The following SIPA1L1 variants were observed in gnomAD, a reference collection of about 807,000 sequenced individuals.
SIPA1L1 encodes the protein signal-induced proliferation-associated 1-like protein 1.
In SIPA1L1, 26 loss-of-function variants were observed where a neutral mutation model predicts 162.7. The ratio of observed to expected loss-of-function variants is 0.16; its 90% CI spans 0.12 to 0.22. SIPA1L1 has a LOEUF of 0.22. SIPA1L1 is among the 10% of genes least tolerant of loss of function. SIPA1L1 has a pLI of 1.00. For synonymous variants in SIPA1L1, 829 were observed against 837.4 expected, an observed-to-expected ratio of 0.99 and a Z score of 0.17; for missense variants, 1,874 against 2,241.0, an observed-to-expected ratio of 0.84 and a Z score of 3.31.
chr14:71,486,794 C>T (rs1485895427), intron 2 of SIPA1L1, among the ~76,000 whole-genome samples: 3 of 152,022 alleles, frequency 2.0e-5, no homozygotes, highest in African/African-American at 4.8e-5. Flanking sequence ...TATTACTTTC[C>T]AATAAGTAAT....
At chr14:71,541,117 TA>T (rs879508572) in intron 4 of SIPA1L1, among the ~76,000 whole-genome samples, 111 of 146,160 alleles carry the variant, frequency 7.6e-4, no homozygotes, top group Non-Finnish European at 7.0e-4. Flanking sequence ...ACTCCATCTT[TA>T]AAAAAAAAAA....
intron 2 of SIPA1L1, among the ~76,000 whole-genome samples, chr14:71,346,195 C>T (rs1034201707): frequency 2.0e-5 from 3 of 152,026 alleles, no homozygotes; most frequent in East Asian, 1.9e-4. Flanking sequence ...TGTGAGCCAC[C>T]GCACCCAGTC....
intron 5 of SIPA1L1, among the ~76,000 whole-genome samples, chr14:71,615,425 T>A (rs893582581): frequency 1.2e-4 from 18 of 152,142 alleles, no homozygotes; most frequent in African/African-American, 3.9e-4. Context: ...GCAGGGTGAA[T>A]TAAGTTGGAT....
chr14:71,498,762 G>C (rs1309416806), intron 2 of SIPA1L1, among the ~76,000 whole-genome samples: 1 of 152,090 alleles, frequency 6.6e-6, no homozygotes, highest in Non-Finnish European at 1.5e-5. Context: ...TTTCTAGTCC[G>C]TGATGTGGTG....
At chr14:71,389,039 C>T (rs960081488) in intron 2 of SIPA1L1, among the ~76,000 whole-genome samples, 6 of 152,130 alleles carry the variant, frequency 3.9e-5, no homozygotes, top group African/African-American at 7.2e-5. Context: ...CTCGACCTCT[C>T]GAAGTGCTGG....
At chr14:71,620,961 A>G (rs2039375433) in intron 6 of SIPA1L1, among the ~76,000 whole-genome samples, 1 of 152,212 alleles carries the variant, frequency 6.6e-6, no homozygotes, top group African/African-American at 2.4e-5. Context: ...TTTTACGTTC[A>G]AATTAATGTT....
chr14:71,605,791 C>G (rs2037421671), intron 5 of SIPA1L1, among the ~76,000 whole-genome samples: 1 of 152,154 alleles, frequency 6.6e-6, no homozygotes, highest in Admixed American at 6.5e-5. Context: ...GTGTCTGGGC[C>G]TCAGGGCAGC....
At chr14:71,567,777 A>G (rs11627930) in intron 4 of SIPA1L1, among the ~76,000 whole-genome samples, 59,147 of 142,100 alleles carry the variant, frequency 0.42, 11,188 homozygotes, top group Admixed American at 0.49. Flanking sequence ...GGGCTGCTCA[A>G]TGGAGCAAAC....
chr14:71,517,775 T>C (rs1223803046), intron 3 of SIPA1L1, among the ~76,000 whole-genome samples: 2 of 152,208 alleles, frequency 1.3e-5, no homozygotes, highest in Admixed American at 6.5e-5. Flanking sequence ...GGAAGGAAAC[T>C]GAGCATCATT....
At chr14:71,596,885 A>G (rs1401441346) in intron 5 of SIPA1L1, among the ~76,000 whole-genome samples, 1 of 152,134 alleles carries the variant, frequency 6.6e-6, no homozygotes, top group Non-Finnish European at 1.5e-5. Flanking sequence ...ATCTTATGAC[A>G]AGCAGTTGCT....
chr14:71,659,169 T>A (rs1312913781), intron 9 of SIPA1L1, among the ~76,000 whole-genome samples: 2 of 152,224 alleles, frequency 1.3e-5, no homozygotes, highest in Non-Finnish European at 2.9e-5. Flanking sequence ...ACCAGAGAGC[T>A]AACACACACT....
intron 2 of SIPA1L1, among the ~76,000 whole-genome samples, chr14:71,458,289 C>CTT (rs1236915694): frequency 6.6e-6 from 1 of 152,120 alleles, no homozygotes; most frequent in Non-Finnish European, 1.5e-5. Context: ...TTTTGGCACT[C>CTT]TGAGATTTTG....
At position 71,377,769 on chromosome 14, in the gene SIPA1L1, G is replaced by C. The variant is rs1254559243; in HGVS notation, c.-465+56588G>C. Among the ~76,000 whole-genome samples the C allele has an allele frequency of 6.6e-6, 1 of 152,266 alleles. No homozygotes were observed. The highest frequency in any genetic ancestry group is 1.9e-4 in the East Asian group (1 of 5,202). On this transcript the variant is annotated intron_variant, in intron 2 of 23. Coordinates refer to ENST00000381232, the MANE Select transcript of SIPA1L1 (RefSeq NM_001386936.1). The surrounding 1 kb of genome is among the most constrained non-coding windows in gnomAD (Gnocchi z 4.8). Reference sequence around the variant, plus strand: ...GCGGGCAGATCACCCGAGTTCAGGAGCTGGAGACCAGTCCGGCCAACACGG... The same window carrying C: ...GCGGGCAGATCACCCGAGTTCAGGACCTGGAGACCAGTCCGGCCAACACGG...
chr14:71,504,157 T>TA (rs997622144), intron 2 of SIPA1L1, among the ~76,000 whole-genome samples: 15 of 150,288 alleles, frequency 1.0e-4, no homozygotes, highest in Non-Finnish European at 1.6e-4. Flanking sequence ...TCTTGTTCAA[T>TA]AAAAAAAAAA....
intron 7 of SIPA1L1, among the ~76,000 whole-genome samples, chr14:71,631,504 C>T (rs1260635255): frequency 6.6e-6 from 1 of 152,106 alleles, no homozygotes; most frequent in Non-Finnish European, 1.5e-5. Flanking sequence ...TGAAATTCAT[C>T]TCAATGTCAA....
At chr14:71,701,194 T>C (rs1007651761) in intron 14 of SIPA1L1, among the ~76,000 whole-genome samples, 14 of 152,044 alleles carry the variant, frequency 9.2e-5, no homozygotes, top group Non-Finnish European at 1.5e-5. Flanking sequence ...GGTTGGAACT[T>C]GGCCCCAGGT....
chr14:71,359,904 A>G (rs1385370112), intron 2 of SIPA1L1, among the ~76,000 whole-genome samples: 1 of 152,222 alleles, frequency 6.6e-6, no homozygotes, highest in Non-Finnish European at 1.5e-5. Context: ...TCAGATACAG[A>G]CTTGGACATG....
chr14:71,497,273 A>G (rs1389406256), intron 2 of SIPA1L1, among the ~76,000 whole-genome samples: 1 of 152,168 alleles, frequency 6.6e-6, no homozygotes, highest in Non-Finnish European at 1.5e-5. Flanking sequence ...TTGAACTCCT[A>G]GACTCAAGGG....
At chr14:71,735,739 T>G (rs2085228293) in intron 22 of SIPA1L1, 1 of 177,120 alleles carries the variant, frequency 5.6e-6, no homozygotes, top group African/African-American at 2.4e-5. Flanking sequence ...TTCAGTCTCT[T>G]TCGCAGTGTT....
Sources: gnomAD v4.1 joint callset for allele counts (sites outside exome capture counted in the v4.1 genomes callset) on GRCh38, gnomAD v4.1.1 for gene constraint, Gnocchi (gnomAD v3.1) non-coding constraint, MANE v1.5 for transcripts, NCBI Gene and HGNC (gene_info 2026-07-23, HGNC 2026-07-21) for gene names.